CLASP1: variants seen among roughly 807,000 people sequenced by gnomAD.
CLASP1 encodes the protein cytoplasmic linker associated protein 1, also known as CLIP-associating protein 1.
A neutral mutation model predicts 192.3 loss-of-function variants in CLASP1; 38 were observed. That is an observed-to-expected ratio of 0.20 (90% confidence interval 0.15 to 0.26). The LOEUF (loss-of-function observed/expected upper bound fraction) is 0.26. Ranked by LOEUF, CLASP1 falls within the 10% of genes least tolerant of loss-of-function variation. CLASP1 has a pLI of 1.00. For missense variants in CLASP1, 1,433 were observed against 1,932.5 expected (o/e 0.74, Z 4.85); for synonymous variants, 691 against 712.8 (o/e 0.97, Z 0.49).
At chr2:121,371,104 A>G (rs1267696094) in intron 34 of CLASP1, among the ~76,000 whole-genome samples, 1 of 152,216 alleles carries the variant, frequency 6.6e-6, no homozygotes, top group Non-Finnish European at 1.5e-5. Flanking sequence ...AAAAAGGAAT[A>G]GAAAAATACA....
At chr2:121,444,654 C>T (rs564008312) in intron 19 of CLASP1, among the ~76,000 whole-genome samples, 4 of 152,276 alleles carry the variant, frequency 2.6e-5, no homozygotes, top group African/African-American at 9.6e-5. Flanking sequence ...AGTGTGACAT[C>T]AATGCTCCTC....
intron 22 of CLASP1, among the ~76,000 whole-genome samples, chr2:121,424,245 A>G (rs546503305): frequency 2.9e-4 from 44 of 152,330 alleles, no homozygotes; most frequent in African/African-American, 1.1e-3. Context: ...TCCCCAATAG[A>G]TATCAAGCTT....
At chr2:121,592,288 T>G (rs2062495657) in intron 2 of CLASP1, among the ~76,000 whole-genome samples, 1 of 152,248 alleles carries the variant, frequency 6.6e-6, no homozygotes, top group South Asian at 2.1e-4. Flanking sequence ...CCCTTCATAA[T>G]ATTTATGAAA....
intron 8 of CLASP1, among the ~76,000 whole-genome samples, chr2:121,497,668 A>G (rs189440996): frequency 4.4e-4 from 67 of 152,210 alleles, no homozygotes; most frequent in Non-Finnish European, 7.8e-4. Flanking sequence ...AAGAAGGTGC[A>G]GCCCAAAAAG....
intron 2 of CLASP1, among the ~76,000 whole-genome samples, chr2:121,582,304 G>GGAGAGA (rs536743172): frequency 1.4e-5 from 2 of 144,486 alleles, no homozygotes; most frequent in African/African-American, 5.1e-5. Flanking sequence ...AAAGAGAAAG[G>GGAGAGA]GAGAGAGAGA....
intron 2 of CLASP1, among the ~76,000 whole-genome samples, chr2:121,559,331 A>G (rs2058863783): frequency 6.6e-6 from 1 of 152,236 alleles, no homozygotes; most frequent in Admixed American, 6.5e-5. Flanking sequence ...TATGTCTCAT[A>G]CATTCAGCTC....
At chr2:121,361,440 A>G (rs1447155710) in intron 37 of CLASP1, among the ~76,000 whole-genome samples, 2 of 152,238 alleles carry the variant, frequency 1.3e-5, no homozygotes, top group African/African-American at 2.4e-5. Context: ...TTGCCCCTTA[A>G]CGGAGACACA....
intron 2 of CLASP1, among the ~76,000 whole-genome samples, chr2:121,587,324 C>G (rs956638050): frequency 2.0e-5 from 3 of 152,176 alleles, no homozygotes; most frequent in African/African-American, 7.2e-5. Context: ...TGCCCTCCCC[C>G]CATCCTTAGA....
chr2:121,530,942 A>T lies in CLASP1; in HGVS notation c.196-617T>A, dbSNP rs978736477. Reference sequence around the variant, plus strand: ...AGCGCATAGTGAGGGCAGTACTGCTAACGCCTGAACAACACACCCGCATCA... The same window carrying T: ...AGCGCATAGTGAGGGCAGTACTGCTTACGCCTGAACAACACACCCGCATCA... On this transcript the variant is annotated intron_variant, in intron 2 of 39. Coordinates refer to ENST00000263710, the Ensembl canonical transcript of CLASP1. The T allele has an allele frequency of 1.4e-6, 1 of 700,420 alleles. No homozygotes were observed. Among genetic ancestry groups the T allele is most frequent in the South Asian group, 1.5e-5 (1 of 67,504 alleles). The allele number at this position is 700,420 out of a possible 1,614,324, so 43.4% of individuals were successfully genotyped here. A position where few individuals can be genotyped will look rare whatever the true frequency, so the allele number is the denominator to read the frequency against.
In CLASP1 at chr2:121,601,689, C is replaced by T. The variant is rs548559854; in HGVS notation, c.195+4012G>A. Among the ~76,000 whole-genome samples, 20 of 152,152 alleles carry T rather than the reference C, an allele frequency of 1.3e-4. No homozygotes were observed. In the South Asian group the frequency reaches 4.2e-3, roughly 32 times the overall value. ...GCAAGAGAAAGAAATAAAAAGCATC[C>T]AAATTGGAAAGAGTAGGTAAAATTG... is the stretch of plus-strand genomic sequence containing the variant. On this transcript the variant is annotated intron_variant, in intron 2 of 39. Coordinates refer to ENST00000263710, the Ensembl canonical transcript of CLASP1.
intron 1 of CLASP1, among the ~76,000 whole-genome samples, chr2:121,630,524 G>T (rs1053200303): frequency 1.3e-5 from 2 of 151,812 alleles, no homozygotes; most frequent in South Asian, 4.2e-4. Context: ...TTCCTGCCTC[G>T]TCCAGTCACA....
At chr2:121,623,085 T>C (rs2067662555) in intron 1 of CLASP1, among the ~76,000 whole-genome samples, 1 of 151,952 alleles carries the variant, frequency 6.6e-6, no homozygotes, top group African/African-American at 2.4e-5. Flanking sequence ...TATATATAAA[T>C]TTTAAAAAAT....
chr2:121,445,405 A>C, intron 19 of CLASP1: 1 of 1,242,766 alleles, frequency 8.0e-7, no homozygotes, highest in Non-Finnish European at 1.1e-6. Flanking sequence ...AGCAATGCCT[A>C]TCCCAACTAC....
chr2:121,361,739 G>A (rs1464388131), intron 37 of CLASP1, among the ~76,000 whole-genome samples: 4 of 152,170 alleles, frequency 2.6e-5, no homozygotes, highest in African/African-American at 7.2e-5. Context: ...GAATCACTAT[G>A]TTGATCGTAC....
At chr2:121,572,255 C>T (rs1308531697) in intron 2 of CLASP1, among the ~76,000 whole-genome samples, 1 of 152,010 alleles carries the variant, frequency 6.6e-6, no homozygotes, top group African/African-American at 2.4e-5. Flanking sequence ...GGTGAAACCC[C>T]GTCTCTACTA....
At chr2:121,361,335 C>A (rs1471094049) in intron 37 of CLASP1, among the ~76,000 whole-genome samples, 1 of 152,182 alleles carries the variant, frequency 6.6e-6, no homozygotes, top group Non-Finnish European at 1.5e-5. Flanking sequence ...AAATACAAAG[C>A]ACAACAAAAA....
chr2:121,631,320 G>A (rs550190114), intron 1 of CLASP1, among the ~76,000 whole-genome samples: 11 of 119,592 alleles, frequency 9.2e-5, no homozygotes, highest in African/African-American at 3.3e-4. Flanking sequence ...ATGGAGTCTC[G>A]CTCTGTCACC....
chr2:121,378,273 T>G (rs2070750207), intron 33 of CLASP1, among the ~76,000 whole-genome samples: 1 of 152,206 alleles, frequency 6.6e-6, no homozygotes, highest in African/African-American at 2.4e-5. Flanking sequence ...TATCAGACTC[T>G]TCTACATGCT....
chr2:121,428,572 C>T lies in CLASP1; in HGVS notation c.2018-1142G>A, dbSNP rs571648797. Reference sequence around the variant, plus strand: ...AACCAGAGCCAAGAAGTTGTTCCCACGACAGACACTTCTGGGCTACACCTG... The same window carrying T: ...AACCAGAGCCAAGAAGTTGTTCCCATGACAGACACTTCTGGGCTACACCTG... On this transcript the variant is annotated intron_variant, in intron 20 of 39. Transcript: ENST00000263710. 7.9e-5 allele frequency among the ~76,000 whole-genome samples: 12 copies of T among 152,264 alleles called. No homozygotes were observed. The South Asian group carries it at 1.2e-3, about 16-fold the overall frequency.
Sources: gnomAD v4.1 joint callset for allele counts (sites outside exome capture counted in the v4.1 genomes callset) on GRCh38, gnomAD v4.1.1 for gene constraint, MANE v1.5 for transcripts, NCBI Gene and HGNC (gene_info 2026-07-23, HGNC 2026-07-21) for gene names.